Variants in RABGAP1L observed in about 807,000 individuals in gnomAD.
The protein encoded by RABGAP1L is rab GTPase-activating protein 1-like.
Under a neutral mutation model 137.7 loss-of-function variants are expected in RABGAP1L, and 63 were observed. That is an observed-to-expected ratio of 0.46 (90% confidence interval 0.37 to 0.56). RABGAP1L has a LOEUF of 0.56. Among genes scored for constraint, RABGAP1L ranks in the 20% least tolerant of loss-of-function variants. The pLI is 0.00. For synonymous variants in RABGAP1L, 431 were observed against 433.7 expected (o/e 0.99, Z 0.08); for missense variants, 1,095 against 1,244.0 (o/e 0.88, Z 1.80).
chr1:174,800,687 A>C (rs1462996124), intron 18 of RABGAP1L, among the ~76,000 whole-genome samples: 1 of 151,818 alleles, frequency 6.6e-6, no homozygotes, highest in Non-Finnish European at 1.5e-5. Context: ...CCACCCCTTA[A>C]TTGGTTAGAG....
chr1:174,482,314 C>G (rs1320547340), intron 13 of RABGAP1L, among the ~76,000 whole-genome samples: 1 of 152,106 alleles, frequency 6.6e-6, no homozygotes, highest in Non-Finnish European at 1.5e-5. Flanking sequence ...AATTCAGAGA[C>G]AAAGGGATAA....
At chr1:174,321,291 C>T (rs76738362) in intron 11 of RABGAP1L, among the ~76,000 whole-genome samples, 5 of 152,118 alleles carry the variant, frequency 3.3e-5, no homozygotes, top group African/African-American at 4.8e-5. Flanking sequence ...ATTTTAATTT[C>T]GCCCTGGTCC....
chr1:174,598,208 GTCCCAGC>G (rs1670120178), intron 13 of RABGAP1L, among the ~76,000 whole-genome samples: 1 of 151,602 alleles, frequency 6.6e-6, no homozygotes, highest in Non-Finnish European at 1.5e-5. Flanking sequence ...CATGCCTGTA[GTCCCAGC>G]TACTTGGGAG....
intron 14 of RABGAP1L, among the ~76,000 whole-genome samples, chr1:174,682,500 C>G (rs1678157356): frequency 1.3e-5 from 2 of 149,934 alleles, no homozygotes; most frequent in Admixed American, 6.6e-5. Flanking sequence ...AAAAAACAAG[C>G]AACCAGTACT....
intron 13 of RABGAP1L, among the ~76,000 whole-genome samples, chr1:174,614,712 C>T (rs895319629): frequency 1.3e-5 from 2 of 152,202 alleles, no homozygotes; most frequent in African/African-American, 2.4e-5. Flanking sequence ...CTTTCAGGTA[C>T]ACCAATCAGA....
At chr1:174,249,256 A>C (rs1672516094) in intron 5 of RABGAP1L, among the ~76,000 whole-genome samples, 1 of 152,204 alleles carries the variant, frequency 6.6e-6, no homozygotes, top group Admixed American at 6.5e-5. Context: ...ATAGCACAAC[A>C]ACATTGAGTA....
At chr1:174,177,509 G>A (rs796896899) in intron 1 of RABGAP1L, among the ~76,000 whole-genome samples, 2 of 152,050 alleles carry the variant, frequency 1.3e-5, no homozygotes, top group African/African-American at 2.4e-5. Context: ...TCAATTTTGG[G>A]TTTTATTAAA....
chr1:174,425,911 C>T (rs1241631088), intron 13 of RABGAP1L, among the ~76,000 whole-genome samples: 1 of 151,972 alleles, frequency 6.6e-6, no homozygotes, highest in Non-Finnish European at 1.5e-5. Context: ...TTGTAACTGC[C>T]ATACGTCTAG....
Position 174,480,031 on chromosome 1 carries a change from G to A in RABGAP1L, c.1710+85886G>A, listed in dbSNP as rs548864236. ...TGAAGGGAATTCGGATAACTAGTGA[G>A]TTGTTTGTCATTTTCATTTAAGACA... On this transcript the variant is annotated intron_variant, in intron 13 of 25. Transcript: ENST00000681986. 6.6e-5 allele frequency among the ~76,000 whole-genome samples: 10 copies of A among 152,246 alleles called. No individual in the cohort carries two copies. The South Asian group carries it at 8.3e-4, about 13-fold the overall frequency.
At chr1:174,195,780 CTTTCT>C (rs1558022057) in intron 1 of RABGAP1L, among the ~76,000 whole-genome samples, 3 of 112,182 alleles carry the variant, frequency 2.7e-5, no homozygotes, top group Admixed American at 9.3e-5. Context: ...TCTTTCCTTT[CTTTCT>C]TTTCTTTCTT....
At chr1:174,860,931 G>A (rs1177865216) in intron 19 of RABGAP1L, among the ~76,000 whole-genome samples, 1 of 152,096 alleles carries the variant, frequency 6.6e-6, no homozygotes, top group Non-Finnish European at 1.5e-5. Flanking sequence ...GTGTGTGTAT[G>A]TGTGTGGTGG....
intron 11 of RABGAP1L, among the ~76,000 whole-genome samples, chr1:174,328,378 A>G (rs1680734088): frequency 6.6e-6 from 1 of 152,174 alleles, no homozygotes; most frequent in Non-Finnish European, 1.5e-5. Context: ...GTTGAAATCA[A>G]CAACAGGAGG....
intron 11 of RABGAP1L, among the ~76,000 whole-genome samples, chr1:174,327,966 TATATATATATATACACACAC>T (rs1401218120): frequency 2.2e-4 from 3 of 13,866 alleles, no homozygotes; most frequent in African/African-American, 1.4e-3. Flanking sequence ...AATATATATA[TATATATATATATACACACAC>T]ATATATATAT....
chr1:174,201,554 T>C (rs1668100567), intron 1 of RABGAP1L, among the ~76,000 whole-genome samples: 1 of 152,198 alleles, frequency 6.6e-6, no homozygotes, highest in African/African-American at 2.4e-5. Context: ...TTTATGTAGA[T>C]GCTACACAGT....
In RABGAP1L at chr1:174,192,290, T is replaced by C. The variant is rs532570966; in HGVS notation, c.-33-26835T>C. Among the ~76,000 whole-genome samples, 7 of 151,536 alleles carry C rather than the reference T, an allele frequency of 4.6e-5. No homozygotes were observed. The East Asian group carries it at 1.4e-3, about 29-fold the overall frequency. Reference sequence around the variant, plus strand: ...CAGTTGGAGGTTCAAGAGAGTCTAATTGAGTCACTTATCCACCTGTCTGAG... The same window carrying C: ...CAGTTGGAGGTTCAAGAGAGTCTAACTGAGTCACTTATCCACCTGTCTGAG... On this transcript the variant is annotated intron_variant, in intron 1 of 25. Transcript: ENST00000681986.
intron 19 of RABGAP1L, among the ~76,000 whole-genome samples, chr1:174,893,779 T>A (rs1270399963): frequency 6.6e-6 from 1 of 152,136 alleles, no homozygotes; most frequent in Non-Finnish European, 1.5e-5. Flanking sequence ...TCAAAAGCTC[T>A]CTTCTGGAAG....
At chr1:174,866,928 T>C (rs1368675855) in intron 19 of RABGAP1L, among the ~76,000 whole-genome samples, 1 of 151,978 alleles carries the variant, frequency 6.6e-6, no homozygotes, top group African/African-American at 2.4e-5. Flanking sequence ...AAATTTTTTT[T>C]TTTAAATTTA....
chr1:174,461,346 G>T (rs1299037943), intron 13 of RABGAP1L, among the ~76,000 whole-genome samples: 1 of 152,140 alleles, frequency 6.6e-6, no homozygotes, highest in African/African-American at 2.4e-5. Flanking sequence ...CTAACCTGCA[G>T]AACCATGGGA....
At chr1:174,836,757 G>C (rs919984765) in intron 19 of RABGAP1L, among the ~76,000 whole-genome samples, 9 of 152,056 alleles carry the variant, frequency 5.9e-5, no homozygotes, top group Non-Finnish European at 7.4e-5. Context: ...TGGCTTCATC[G>C]CTCCTTCTCT....
Sources: gnomAD v4.1 joint callset for allele counts (sites outside exome capture counted in the v4.1 genomes callset) on GRCh38, gnomAD v4.1.1 for gene constraint, MANE v1.5 for transcripts, NCBI Gene and HGNC (gene_info 2026-07-23, HGNC 2026-07-21) for gene names.